The following IL1RAPL2 variants were observed in gnomAD, a reference collection of about 807,000 sequenced individuals.
IL1RAPL2 encodes the protein X-linked interleukin-1 receptor accessory protein-like 2.
IL1RAPL2 carries 3 observed loss-of-function variants against 44.1 expected under a neutral mutation model. That is an observed-to-expected ratio of 0.07 (90% CI 0.03 to 0.18). The LOEUF is 0.18. Among genes scored for constraint, IL1RAPL2 ranks in the 10% least tolerant of loss-of-function variants. The pLI is 1.00. For synonymous variants in IL1RAPL2, 181 were observed against 178.8 expected, an observed-to-expected ratio of 1.01 and a Z score of -0.10; for missense variants, 391 against 496.4, an observed-to-expected ratio of 0.79 and a Z score of 2.02.
At chrX:105,637,450 A>C (rs1180353540) in intron 6 of IL1RAPL2, among the ~76,000 whole-genome samples, 1 of 110,623 alleles carries the variant, frequency 9.0e-6, no homozygotes, top group African/African-American at 3.3e-5. Flanking sequence ...ATCGAAAACT[A>C]AATTTAAATT....
chrX:104,655,671 A>G (rs898059201), intron 1 of IL1RAPL2, among the ~76,000 whole-genome samples: 2 of 111,391 alleles, frequency 1.8e-5, no homozygotes, highest in African/African-American at 6.5e-5. Flanking sequence ...TGGTATCAGG[A>G]TGATGCTGGC....
At chrX:104,644,514 G>A (rs1039301181) in intron 1 of IL1RAPL2, among the ~76,000 whole-genome samples, 1 of 111,428 alleles carries the variant, frequency 9.0e-6, no homozygotes, top group South Asian at 3.8e-4. Flanking sequence ...TCCCGTGTAT[G>A]TCAAATTCTT....
At chrX:105,158,410 T>C (rs921946948) in intron 2 of IL1RAPL2, among the ~76,000 whole-genome samples, 2 of 112,176 alleles carry the variant, frequency 1.8e-5, no homozygotes, top group African/African-American at 6.5e-5. Flanking sequence ...ATCTCAGTCT[T>C]CACATGTCCA....
At chrX:105,036,857 AT>A (rs1202407742) in intron 2 of IL1RAPL2, among the ~76,000 whole-genome samples, 1 of 112,079 alleles carries the variant, frequency 8.9e-6, no homozygotes, top group East Asian at 2.8e-4. Context: ...ATACAAAGGG[AT>A]AAAAACCAAA....
intron 6 of IL1RAPL2, among the ~76,000 whole-genome samples, chrX:105,690,818 T>G (rs1170290099): frequency 8.9e-6 from 1 of 111,911 alleles, no homozygotes; most frequent in East Asian, 2.8e-4. Flanking sequence ...TATTATACCC[T>G]GTCTTAGTTT....
At chrX:105,282,908 G>A (rs886299906) in intron 5 of IL1RAPL2, among the ~76,000 whole-genome samples, 1 of 111,666 alleles carries the variant, frequency 9.0e-6, no homozygotes, top group African/African-American at 3.3e-5. Context: ...TTAAATCACA[G>A]TTTAATTACC....
intron 5 of IL1RAPL2, among the ~76,000 whole-genome samples, chrX:105,366,030 C>T (rs1165075451): frequency 9.0e-6 from 1 of 110,921 alleles, no homozygotes; most frequent in East Asian, 2.8e-4. Flanking sequence ...TCACTGCAAC[C>T]TCCACCTCCT....
At chrX:104,993,330 C>T (rs2030696999) in intron 2 of IL1RAPL2, among the ~76,000 whole-genome samples, 1 of 111,297 alleles carries the variant, frequency 9.0e-6, no homozygotes, top group Non-Finnish European at 1.9e-5. Flanking sequence ...TGAATGTCAA[C>T]AATTTGCTTG....
intron 2 of IL1RAPL2, among the ~76,000 whole-genome samples, chrX:104,682,780 TA>T (rs1021856116): frequency 1.8e-5 from 2 of 112,402 alleles, no homozygotes; most frequent in Admixed American, 9.4e-5. Flanking sequence ...TCAAAACAGC[TA>T]GGGGAGAAGA....
At chrX:104,627,593 A>T (rs1479868091) in intron 1 of IL1RAPL2, among the ~76,000 whole-genome samples, 2 of 111,673 alleles carry the variant, frequency 1.8e-5, no homozygotes, top group Non-Finnish European at 1.9e-5. Flanking sequence ...CCCTAAGTAT[A>T]AAGATTTTGG....
At chrX:105,397,268 A>G (rs1224004866) in intron 5 of IL1RAPL2, among the ~76,000 whole-genome samples, 1 of 110,989 alleles carries the variant, frequency 9.0e-6, no homozygotes, top group Non-Finnish European at 1.9e-5. Flanking sequence ...CACTTGAGTC[A>G]TTCTGAAACC....
At chrX:104,994,391 G>A (rs2030713869) in intron 2 of IL1RAPL2, among the ~76,000 whole-genome samples, 1 of 111,114 alleles carries the variant, frequency 9.0e-6, no homozygotes, top group African/African-American at 3.3e-5. Flanking sequence ...GATTAAAAAG[G>A]GTACAGAGTA....
At chrX:104,973,287 G>A (rs2030270394) in intron 2 of IL1RAPL2, among the ~76,000 whole-genome samples, 1 of 111,863 alleles carries the variant, frequency 8.9e-6, no homozygotes, top group Non-Finnish European at 1.9e-5. Context: ...AAGACTTATA[G>A]CCAATTAAAC....
chrX:105,253,171 C>T lies in IL1RAPL2; in HGVS notation c.544-14217C>T, dbSNP rs981145989. Among the ~76,000 whole-genome samples the T allele has an allele frequency of 2.7e-5, 3 of 111,718 alleles. No homozygotes were observed. In the Admixed American group the frequency reaches 2.9e-4, roughly 11 times the overall value. The stretch of plus-strand genomic sequence containing the variant: ...TTTTCTTTCTCTATTTCTTCTTGTT[C>T]TAGTATTCCCATTATGCCTATTTTA... On this transcript the variant is annotated intron_variant, in intron 4 of 10. Coordinates refer to ENST00000372582, the MANE Select transcript of IL1RAPL2 (RefSeq NM_017416.2).
chrX:104,980,942 C>T (rs1352170678), intron 2 of IL1RAPL2, among the ~76,000 whole-genome samples: 13 of 111,005 alleles, frequency 1.2e-4, no homozygotes, highest in African/African-American at 1.6e-4. Flanking sequence ...TCTTATCCAT[C>T]AGCATGGAAT....
At chrX:104,630,216 C>T (rs1024695055) in intron 1 of IL1RAPL2, among the ~76,000 whole-genome samples, 3 of 107,388 alleles carry the variant, frequency 2.8e-5, no homozygotes, top group Non-Finnish European at 5.7e-5. Flanking sequence ...GGCGCGATCT[C>T]GGCTCACTGC....
chrX:104,947,436 C>G (rs1925414015), intron 2 of IL1RAPL2, among the ~76,000 whole-genome samples: 1 of 99,116 alleles, frequency 1.0e-5, no homozygotes, highest in Non-Finnish European at 2.0e-5. Flanking sequence ...TCCCATTTGT[C>G]AATTTTGGCT....
intron 6 of IL1RAPL2, among the ~76,000 whole-genome samples, chrX:105,669,618 T>C (rs778349996): frequency 2.7e-5 from 3 of 111,474 alleles, no homozygotes; most frequent in South Asian, 7.6e-4. Context: ...ATATACTCTT[T>C]ACCCAGTTTT....
chrX:105,737,982 C>T (rs2038463997), intron 7 of IL1RAPL2, among the ~76,000 whole-genome samples: 1 of 111,514 alleles, frequency 9.0e-6, no homozygotes. Context: ...AATTCTTATA[C>T]TTGTCTGGTT....
Sources: allele counts gnomAD v4.1 joint callset (sites outside exome capture counted in the v4.1 genomes callset), GRCh38; gene constraint gnomAD v4.1.1; transcripts MANE v1.5; gene names NCBI Gene and HGNC (gene_info 2026-07-23, HGNC 2026-07-21).